Variants in GNG7 observed in about 807,000 individuals in gnomAD.
GNG7 encodes the protein G protein subunit gamma 7, also known as guanine nucleotide-binding protein G(I)/G(S)/G(O) subunit gamma-7.
Under a neutral mutation model 4.0 loss-of-function variants are expected in GNG7, and 1 was observed. The observed-to-expected ratio is 0.25, with a 90% CI of 0.09 to 1.18. GNG7 has a LOEUF of 1.18. GNG7 is among the 50% of genes most tolerant of loss of function. The probability of loss-of-function intolerance (pLI) is 0.50; values close to 1 mark genes in which losing one functional copy is unlikely to be tolerated. For missense variants in GNG7, 86 were observed against 91.9 expected (o/e 0.94, Z 0.26); for synonymous variants, 34 against 36.9 (o/e 0.92, Z 0.29).
chr19:2,693,935 T>G (rs1363181306), intron 1 of GNG7, among the ~76,000 whole-genome samples: 2 of 152,222 alleles, frequency 1.3e-5, no homozygotes, highest in East Asian at 3.9e-4. Flanking sequence ...CCTGTCTTCA[T>G]TTTGTAAACC....
intron 2 of GNG7, among the ~76,000 whole-genome samples, chr19:2,585,474 T>C (rs1980643349): frequency 7.6e-6 from 1 of 132,104 alleles, no homozygotes. Flanking sequence ...GTGTAAACAG[T>C]TGGCATATTT....
At chr19:2,516,121 G>A (rs999832616) in intron 4 of GNG7, among the ~76,000 whole-genome samples, 1 of 151,978 alleles carries the variant, frequency 6.6e-6, no homozygotes, top group African/African-American at 2.4e-5. Flanking sequence ...GGGGGCTGAG[G>A]CTGGAGGATT....
At chr19:2,671,346 G>T (rs989230876) in intron 1 of GNG7, among the ~76,000 whole-genome samples, 1 of 152,058 alleles carries the variant, frequency 6.6e-6, no homozygotes, top group Non-Finnish European at 1.5e-5. Flanking sequence ...GATCCCCCTG[G>T]ACACCGGTGG....
rs566473374 is a variant in GNG7, at chr19:2,571,664, C to T, written c.-77-16476G>A. 2.2e-3 allele frequency among the ~76,000 whole-genome samples: 293 copies of T among 133,320 alleles called. 1 individual carries two copies. Among genetic ancestry groups the T allele is most frequent in the African/African-American group, 8.2e-3 (283 of 34,654 alleles). 87.5% of individuals were successfully genotyped at this position (133,320 alleles called of 152,430 possible). ...AGGCTAGAGTGCAGAGGTGCGGTCT[C>T]GGCTCACTGCAACCTCTGCCTCCCG... On this transcript the variant is annotated intron_variant, in intron 2 of 4. Coordinates refer to ENST00000382159, the MANE Select transcript of GNG7 (RefSeq NM_052847.3).
At chr19:2,550,902 CAGT>C (rs1211514739) in intron 3 of GNG7, among the ~76,000 whole-genome samples, 1 of 152,160 alleles carries the variant, frequency 6.6e-6, no homozygotes, top group African/African-American at 2.4e-5. Flanking sequence ...AGGGAGGCGT[CAGT>C]GGTGGGGATG....
chr19:2,683,437 T>C (rs1424992997), intron 1 of GNG7: 2 of 152,162 alleles, frequency 1.3e-5, no homozygotes, highest in East Asian at 1.9e-4. Flanking sequence ...TTCCCCGGAA[T>C]ACCTGCTAGA....
At chr19:2,535,148 T>G (rs893237947) in intron 3 of GNG7, among the ~76,000 whole-genome samples, 1 of 152,098 alleles carries the variant, frequency 6.6e-6, no homozygotes, top group Non-Finnish European at 1.5e-5. Context: ...GTATTTATAA[T>G]TTGATATTTG....
intron 2 of GNG7, among the ~76,000 whole-genome samples, chr19:2,603,920 G>A (rs891445895): frequency 7.3e-5 from 11 of 151,606 alleles, no homozygotes; most frequent in Non-Finnish European, 1.2e-4. Context: ...GTGCAATCTC[G>A]GCTCACTGCA....
At chr19:2,619,318 T>C (rs756812823) in intron 2 of GNG7, among the ~76,000 whole-genome samples, 29 of 152,220 alleles carry the variant, frequency 1.9e-4, no homozygotes, top group Non-Finnish European at 3.5e-4. Context: ...ACCCACTTGT[T>C]GACATATTGC....
chr19:2,671,448 C>T lies in GNG7; in HGVS notation c.-134-25168G>A, dbSNP rs888486922. 4.6e-5 allele frequency among the ~76,000 whole-genome samples: 7 copies of T among 152,130 alleles called. No individual in the cohort carries two copies. The South Asian group carries it at 6.2e-4, about 13-fold the overall frequency. ...GAATGAGGCTCAAGGTGACGTTGTC[C>T]GGCCTGCCTTCTGCCTCACACGCTT... On this transcript the variant is annotated intron_variant, in intron 1 of 4. Transcript: ENST00000382159.
chr19:2,522,243 A>T (rs904637087), intron 3 of GNG7, among the ~76,000 whole-genome samples: 3 of 151,626 alleles, frequency 2.0e-5, no homozygotes, highest in African/African-American at 7.3e-5. Flanking sequence ...GCCTAGAGAA[A>T]CCTGCTTCGT....
chr19:2,538,760 ATATTTTTC>A (rs771115143), intron 3 of GNG7: 60 of 416,872 alleles, frequency 1.4e-4, no homozygotes, highest in Non-Finnish European at 2.5e-4. Context: ...CTAGATATAT[ATATTTTTC>A]TTTTTTTTCT....
At position 2,653,544 on chromosome 19, in the gene GNG7, G is replaced by A. The variant is rs531810178; in HGVS notation, c.-134-7264C>T. Among the ~76,000 whole-genome samples the A allele has an allele frequency of 2.0e-4, 31 of 152,284 alleles. No homozygotes were observed. Among genetic ancestry groups the A allele is most frequent in the African/African-American group, 6.7e-4 (28 of 41,552 alleles). ...CTGGTGTCTGGAGTGAGAAGGGATC[G>A]AAGTCTATTTTTTTCCAGATGAATG... On this transcript the variant is annotated intron_variant, in intron 1 of 4. Transcript: ENST00000382159. This position sits in a 1 kb window ranked among gnomAD's most constrained non-coding sequence, Gnocchi z 4.8.
rs370948538 is a variant in GNG7 at position 2,659,764 on chromosome 19, AAGGG to A, written c.-134-13488_-134-13485del. Among the ~76,000 whole-genome samples the A allele has an allele frequency of 2.0e-3, 246 of 120,630 alleles. 1 individual carries two copies. Among genetic ancestry groups the A allele is most frequent in the African/African-American group, 7.0e-3 (218 of 31,338 alleles). The allele number at this position is 120,630 out of a possible 152,430, so 79.1% of individuals were successfully genotyped here. ...CGAGGGAGGGATGGAGGAAGGAAGG[AAGGG>A]AGGGAGGGAGGGAGGGATGAGGGAA... On this transcript the variant is annotated intron_variant, in intron 1 of 4. Coordinates refer to ENST00000382159, the MANE Select transcript of GNG7 (RefSeq NM_052847.3).
chr19:2,696,306 G>GAA (rs1178563958), intron 1 of GNG7, among the ~76,000 whole-genome samples: 2 of 121,744 alleles, frequency 1.6e-5, no homozygotes, highest in South Asian at 2.5e-4. Context: ...AAGAAAGAAA[G>GAA]AAAGAAAGAA....
intron 3 of GNG7, among the ~76,000 whole-genome samples, chr19:2,530,428 A>C (rs1978546017): frequency 2.1e-5 from 3 of 139,730 alleles, no homozygotes; most frequent in Non-Finnish European, 3.1e-5. Context: ...AAAGAAAAAA[A>C]AGCTGGACAG....
At chr19:2,684,006 C>T (rs917302709) in intron 1 of GNG7, among the ~76,000 whole-genome samples, 3 of 152,174 alleles carry the variant, frequency 2.0e-5, no homozygotes, top group Non-Finnish European at 2.9e-5. Flanking sequence ...GAAGTGCGAC[C>T]AGCAAGTCTA....
chr19:2,638,436 A>C, intron 2 of GNG7, among the ~76,000 whole-genome samples: 1 of 46,878 alleles, frequency 2.1e-5, no homozygotes, highest in Non-Finnish European at 4.4e-5. Flanking sequence ...AAGGAGGGGA[A>C]GGGGAGGGGG....
chr19:2,571,585 TTCC>T (rs901135799), intron 2 of GNG7, among the ~76,000 whole-genome samples: 1 of 139,186 alleles, frequency 7.2e-6, no homozygotes, highest in Non-Finnish European at 1.5e-5. Context: ...TTTCATTTCT[TTCC>T]TTTTTTTTTT....
Sources: allele counts gnomAD v4.1 joint callset (sites outside exome capture counted in the v4.1 genomes callset), GRCh38; gene constraint gnomAD v4.1.1; non-coding constraint Gnocchi (gnomAD v3.1); transcripts MANE v1.5; gene names NCBI Gene and HGNC (gene_info 2026-07-23, HGNC 2026-07-21).